Variants in ST8SIA2 observed in about 807,000 individuals in gnomAD.
The protein encoded by ST8SIA2 is alpha-2,8-sialyltransferase 8B.
A neutral mutation model predicts 37.6 loss-of-function variants in ST8SIA2; 22 were observed. The ratio of observed to expected loss-of-function variants is 0.58; its 90% CI spans 0.42 to 0.83. The LOEUF (loss-of-function observed/expected upper bound fraction) is 0.83, where lower values mean the gene tolerates loss of function less well. Ranked by LOEUF, ST8SIA2 falls within the 40% of genes least tolerant of loss-of-function variation. The pLI is 0.00. For synonymous variants in ST8SIA2, 205 were observed against 201.2 expected (o/e 1.02, Z -0.16); for missense variants, 382 against 484.7 (o/e 0.79, Z 1.99).
intron 1 of ST8SIA2, among the ~76,000 whole-genome samples, chr15:92,409,395 G>A (rs889744605): frequency 5.9e-5 from 9 of 152,186 alleles, no homozygotes; most frequent in African/African-American, 2.2e-4. Context: ...GTTGACTTTG[G>A]GATTTGTGGT....
In ST8SIA2 at chr15:92,466,110, A is replaced by G. The variant is rs1418923138; in HGVS notation, c.*1725A>G. 6.6e-6 allele frequency: 1 copy of G among 152,210 alleles called. No homozygotes were observed. Among genetic ancestry groups the G allele is most frequent in the Non-Finnish European group, 1.5e-5 (1 of 68,034 alleles). The allele number at this position is 152,210 out of a possible 1,614,324, so 9.4% of individuals were successfully genotyped here. The stretch of plus-strand genomic sequence containing the variant: ...TTGACCGGAAGGGATTGGAGGCGGC[A>G]GAACCATTAACCCTACACAAGAACA... On this transcript the variant is annotated 3_prime_UTR_variant, in exon 6 of 6. Transcript: ENST00000268164.
At chr15:92,408,984 A>G (rs919174660) in intron 1 of ST8SIA2, among the ~76,000 whole-genome samples, 10 of 152,290 alleles carry the variant, frequency 6.6e-5, no homozygotes, top group South Asian at 4.1e-4. Context: ...GATTACAGGC[A>G]TGAGCTACCA....
chr15:92,405,288 A>C (rs1354172266), intron 1 of ST8SIA2, among the ~76,000 whole-genome samples: 2 of 152,224 alleles, frequency 1.3e-5, no homozygotes, highest in African/African-American at 2.4e-5. Flanking sequence ...AAATTGATGG[A>C]GACAGAAAGT....
intron 1 of ST8SIA2, among the ~76,000 whole-genome samples, chr15:92,429,282 C>G (rs139712450): frequency 6.6e-6 from 1 of 152,190 alleles, no homozygotes. Flanking sequence ...GTCGGGGGTA[C>G]TCGAGGCACA....
At chr15:92,443,004 C>T (rs1172546898) in intron 4 of ST8SIA2, among the ~76,000 whole-genome samples, 2 of 152,034 alleles carry the variant, frequency 1.3e-5, no homozygotes, top group African/African-American at 4.8e-5. Context: ...AAGAGCTGAC[C>T]TATGTTAAAG....
intron 1 of ST8SIA2, among the ~76,000 whole-genome samples, chr15:92,400,474 G>A (rs987718557): frequency 1.3e-5 from 2 of 152,112 alleles, no homozygotes; most frequent in African/African-American, 4.8e-5. Context: ...GCTTGATCTG[G>A]AAGCCCCCTG....
At chr15:92,398,719 C>T (rs1044549115) in intron 1 of ST8SIA2, among the ~76,000 whole-genome samples, 2 of 152,164 alleles carry the variant, frequency 1.3e-5, no homozygotes, top group South Asian at 2.1e-4. Context: ...GGTTGTATAC[C>T]CTGCTGATAA....
intron 1 of ST8SIA2, among the ~76,000 whole-genome samples, chr15:92,407,008 A>AT (rs932436609): frequency 6.7e-6 from 1 of 149,128 alleles, no homozygotes; most frequent in African/African-American, 2.5e-5. Context: ...AAAAAAAAAA[A>AT]GAAAAGAAAA....
intron 1 of ST8SIA2, among the ~76,000 whole-genome samples, chr15:92,425,384 C>G (rs113781659): frequency 1.3e-5 from 2 of 152,194 alleles, no homozygotes; most frequent in Non-Finnish European, 2.9e-5. Flanking sequence ...ACTGCAGGGA[C>G]GACTTCAGAA....
intron 5 of ST8SIA2, among the ~76,000 whole-genome samples, chr15:92,457,888 C>T (rs2049930692): frequency 6.6e-6 from 1 of 152,186 alleles, no homozygotes; most frequent in South Asian, 2.1e-4. Context: ...CTGTTAACAC[C>T]TTTTCCAGTT....
rs1216907441 is a variant in ST8SIA2, at chr15:92,464,385, G to A, written c.1128G>A (p.Ter376=). The change falls in exon 6 of 6, where the codon TAG becomes TAA. Residue 376 remains the stop codon, a stop_retained_variant. Transcript: ENST00000268164. The stretch of plus-strand genomic sequence containing the variant: ...TCGGCCAGTGCGATGGGGCCACGTA[G>A]GGTGGGCACCCCATGGGACTCAGTG... ...LTVGQCDGAT[*] is the part of the protein sequence containing the mutation. The A allele has an allele frequency of 1.2e-6, 2 of 1,613,338 alleles. No individual in the cohort carries two copies. Among genetic ancestry groups the A allele is most frequent in the South Asian group, 1.1e-5 (1 of 91,038 alleles).
intron 1 of ST8SIA2, 148 bp downstream of exon 1, chr15:92,394,310 G>A: frequency 3.9e-6 from 3 of 775,916 alleles, no homozygotes; most frequent in Non-Finnish European, 6.5e-6. Context: ...GAAGGTGGCG[G>A]CGACAGGGGC....
chr15:92,448,524 T>A lies in ST8SIA2; in HGVS notation c.842+3595T>A, dbSNP rs1426305326. On this transcript the variant is annotated intron_variant, in intron 5 of 5. Transcript: ENST00000268164. ...GCACTGTGGCCTAGCATCAAAACCA[T>A]GGGCTTTGGCAGTAGCGACACCTCC... Among the ~76,000 whole-genome samples, 3 of 152,190 alleles carry A rather than the reference T, an allele frequency of 2.0e-5. No individual in the cohort carries two copies. The East Asian group carries it at 5.8e-4, about 29-fold the overall frequency.
At chr15:92,453,257 T>C (rs1372720814) in intron 5 of ST8SIA2, among the ~76,000 whole-genome samples, 1 of 152,184 alleles carries the variant, frequency 6.6e-6, no homozygotes, top group African/African-American at 2.4e-5. Context: ...TAGATTAATG[T>C]GGACCACAGA....
chr15:92,434,330 C>A lies in ST8SIA2; in HGVS notation c.245C>A (p.Ala82Asp). 1 of 1,614,150 alleles carries A rather than the reference C, an allele frequency of 6.2e-7. No individual in the cohort carries two copies. The highest frequency in any genetic ancestry group is 8.5e-7 in the Non-Finnish European group (1 of 1,180,034). Residue 82 changes from alanine (A) to aspartate (D), a missense_variant, in exon 3 of 6, where the codon GCC becomes GAC. Ala to Asp is a moderately radical substitution (Grantham distance 126, BLOSUM62 -2). Coordinates refer to ENST00000268164, the MANE Select transcript of ST8SIA2 (RefSeq NM_006011.4). Reference sequence around the variant, plus strand: ...AGCATCAAGCACAACATCCAGCCAGCCTCGTCCAAATGGAGACATAACCAG... The same window carrying A: ...AGCATCAAGCACAACATCCAGCCAGACTCGTCCAAATGGAGACATAACCAG... ...NESIKHNIQP[A>D]SSKWRHNQTL... is the part of the protein sequence containing the mutation.
chr15:92,401,770 G>A (rs2049473411), intron 1 of ST8SIA2, among the ~76,000 whole-genome samples: 1 of 151,704 alleles, frequency 6.6e-6, no homozygotes, highest in African/African-American at 2.4e-5. Context: ...TTTGCTTCCT[G>A]GACCTTTTTT....
chr15:92,455,852 G>A (rs2049916115), intron 5 of ST8SIA2, among the ~76,000 whole-genome samples: 1 of 152,184 alleles, frequency 6.6e-6, no homozygotes, highest in Admixed American at 6.5e-5. Flanking sequence ...CTAGAGGTAG[G>A]TATCGATTCA....
intron 1 of ST8SIA2, among the ~76,000 whole-genome samples, chr15:92,404,800 A>T (rs1380399309): frequency 2.0e-5 from 3 of 149,884 alleles, no homozygotes; most frequent in Non-Finnish European, 4.4e-5. Flanking sequence ...ATGCCACTGC[A>T]CTCCAGCCTG....
intron 1 of ST8SIA2, among the ~76,000 whole-genome samples, chr15:92,412,915 C>G (rs2049560075): frequency 6.6e-6 from 1 of 152,212 alleles, no homozygotes; most frequent in African/African-American, 2.4e-5. Context: ...ACCTCGGCCT[C>G]CCAAAGTGCT....
Sources: gnomAD v4.1 joint callset for allele counts (sites outside exome capture counted in the v4.1 genomes callset) on GRCh38, gnomAD v4.1.1 for gene constraint, MANE v1.5 for transcripts, NCBI Gene and HGNC (gene_info 2026-07-23, HGNC 2026-07-21) for gene names.